ANKFN1: variants seen among roughly 807,000 people sequenced by gnomAD.
ANKFN1 encodes the protein ankyrin repeat and fibronectin type-III domain-containing protein 1.
Under a neutral mutation model 108.7 loss-of-function variants are expected in ANKFN1, and 74 were observed. The observed-to-expected ratio is 0.68, with a 90% CI of 0.56 to 0.83. The LOEUF is 0.83. Ranked by LOEUF, ANKFN1 falls within the 40% of genes least tolerant of loss-of-function variation. The probability of loss-of-function intolerance (pLI) is 0.00; values close to 1 mark genes in which losing one functional copy is unlikely to be tolerated. For missense variants in ANKFN1, 1,505 were observed against 1,382.3 expected, an observed-to-expected ratio of 1.09 and a Z score of -1.41; for synonymous variants, 547 against 516.2, an observed-to-expected ratio of 1.06 and a Z score of -0.81.
chr17:56,144,529 T>G (rs990377416), intron 4 of ANKFN1, among the ~76,000 whole-genome samples: 1 of 152,206 alleles, frequency 6.6e-6, no homozygotes. Context: ...CCGCATGCCC[T>G]CGCGGGAGTC....
intron 3 of ANKFN1, among the ~76,000 whole-genome samples, chr17:56,232,649 T>C (rs1383740776): frequency 1.3e-5 from 2 of 152,172 alleles, no homozygotes; most frequent in Non-Finnish European, 2.9e-5. Context: ...AGTGAATATC[T>C]GGATTTTAAG....
chr17:56,147,961 T>A (rs1219720902), intron 4 of ANKFN1, among the ~76,000 whole-genome samples: 1 of 152,186 alleles, frequency 6.6e-6, no homozygotes, highest in Non-Finnish European at 1.5e-5. Context: ...TTCTAAGCAT[T>A]ATTTCATTGA....
At chr17:56,380,577 C>T (rs1339174052) in intron 8 of ANKFN1, among the ~76,000 whole-genome samples, 1 of 152,218 alleles carries the variant, frequency 6.6e-6, no homozygotes, top group Non-Finnish European at 1.5e-5. Flanking sequence ...GGGTCACTTC[C>T]ACCCTAATAC....
At chr17:56,377,533 G>A (rs1274495904) in intron 8 of ANKFN1, among the ~76,000 whole-genome samples, 1 of 152,216 alleles carries the variant, frequency 6.6e-6, no homozygotes, top group Non-Finnish European at 1.5e-5. Flanking sequence ...TGGATTCAAA[G>A]GAGGCTTGCA....
chr17:56,183,288 G>A (rs1438675930), intron 1 of ANKFN1, among the ~76,000 whole-genome samples: 2 of 152,130 alleles, frequency 1.3e-5, no homozygotes, highest in Non-Finnish European at 2.9e-5. Flanking sequence ...ATTCTGGAAA[G>A]GATTCATCAT....
At chr17:56,366,369 AGCTGTCCATCTAT>A (rs2046662259) in intron 6 of ANKFN1, among the ~76,000 whole-genome samples, 1 of 152,190 alleles carries the variant, frequency 6.6e-6, no homozygotes, top group Non-Finnish European at 1.5e-5. Context: ...GCTCAAGAGA[AGCTGTCCATCTAT>A]GCTAATTTAT....
chr17:56,327,344 G>T lies in ANKFN1; in HGVS notation c.188+989G>T, dbSNP rs1256941690. On this transcript the variant is annotated intron_variant, in intron 4 of 20. Transcript: ENST00000682825. ...CATCAATCCATCTCTGGTGAACTCAGAGTCCATATAAGTGTCATATAGAGT... is the reference window on the plus strand; with the variant it reads ...CATCAATCCATCTCTGGTGAACTCATAGTCCATATAAGTGTCATATAGAGT... 2.0e-5 allele frequency among the ~76,000 whole-genome samples: 3 copies of T among 152,038 alleles called. No homozygotes were observed. In the East Asian group the frequency reaches 5.8e-4, roughly 29 times the overall value.
intron 1 of ANKFN1, among the ~76,000 whole-genome samples, chr17:56,167,992 C>T (rs1049120000): frequency 1.3e-5 from 2 of 152,066 alleles, no homozygotes; most frequent in South Asian, 2.1e-4. Flanking sequence ...AATAGGCAGG[C>T]GTGGTGGCTC....
chr17:56,289,052 T>A (rs988744313), intron 3 of ANKFN1, among the ~76,000 whole-genome samples: 1 of 152,054 alleles, frequency 6.6e-6, no homozygotes, highest in Non-Finnish European at 1.5e-5. Context: ...CCACTCAACC[T>A]CACCCAAGTG....
intron 1 of ANKFN1, among the ~76,000 whole-genome samples, chr17:56,165,712 C>A (rs1910081211): frequency 1.3e-5 from 2 of 152,064 alleles, no homozygotes; most frequent in African/African-American, 4.8e-5. Flanking sequence ...GCCTGGAATA[C>A]AGGATCCAAG....
rs1382820298 is a variant in ANKFN1, at chr17:56,513,900, C to T, written c.*2631C>T. 1.3e-5 allele frequency among the ~76,000 whole-genome samples: 2 copies of T among 152,092 alleles called. No homozygotes were observed. Among genetic ancestry groups the T allele is most frequent in the African/African-American group, 4.8e-5 (2 of 41,408 alleles). Reference sequence around the variant, plus strand: ...ATTAGCTATTATTCAGGTAGGTTTCCCCATACCTTCACTTTGCAATATTTT... The same window carrying T: ...ATTAGCTATTATTCAGGTAGGTTTCTCCATACCTTCACTTTGCAATATTTT... On this transcript the variant is annotated 3_prime_UTR_variant, in exon 21 of 21. Transcript: ENST00000682825.
chr17:56,460,869 T>C (rs1295131988), intron 14 of ANKFN1, among the ~76,000 whole-genome samples: 5 of 152,040 alleles, frequency 3.3e-5, no homozygotes, highest in Non-Finnish European at 7.4e-5. Flanking sequence ...CTTGGAAGAG[T>C]TACCTACATC....
At chr17:56,126,280 C>G (rs1169273506) in intron 4 of ANKFN1, among the ~76,000 whole-genome samples, 2 of 116,616 alleles carry the variant, frequency 1.7e-5, no homozygotes, top group African/African-American at 7.4e-5. Context: ...ATTGAACACT[C>G]AGGAAAAAAA....
At chr17:56,246,441 T>C (rs1177013939) in intron 3 of ANKFN1, among the ~76,000 whole-genome samples, 2 of 152,282 alleles carry the variant, frequency 1.3e-5, no homozygotes, top group East Asian at 3.9e-4. Flanking sequence ...ATTGACCCGC[T>C]TTTGTAACTA....
chr17:56,058,630 C>CT (rs35682195), intron 4 of ANKFN1, among the ~76,000 whole-genome samples: 1 of 151,740 alleles, frequency 6.6e-6, no homozygotes, highest in East Asian at 1.9e-4. Context: ...TGTTCCGCTC[C>CT]GTGTCCAAGT....
At chr17:56,135,392 A>G (rs1000774794) in intron 4 of ANKFN1, among the ~76,000 whole-genome samples, 2 of 152,186 alleles carry the variant, frequency 1.3e-5, no homozygotes, top group Non-Finnish European at 2.9e-5. Context: ...ATTCAAATAA[A>G]TAGCCCTAAA....
chr17:56,427,844 C>A (rs2048619492), intron 8 of ANKFN1, among the ~76,000 whole-genome samples: 1 of 152,086 alleles, frequency 6.6e-6, no homozygotes, highest in South Asian at 2.1e-4. Context: ...CTGTGTGGAT[C>A]TGAGCTAGTT....
At chr17:56,406,254 G>A (rs1316917115) in intron 8 of ANKFN1, among the ~76,000 whole-genome samples, 2 of 152,184 alleles carry the variant, frequency 1.3e-5, no homozygotes, top group African/African-American at 2.4e-5. Context: ...AGAAGGGATA[G>A]CGAGAACAAA....
chr17:56,324,973 G>A (rs762016828), intron 3 of ANKFN1, among the ~76,000 whole-genome samples: 4 of 152,136 alleles, frequency 2.6e-5, no homozygotes, highest in Non-Finnish European at 5.9e-5. Flanking sequence ...AAGGGGGAGA[G>A]TTTCATGAAT....
Sources: gnomAD v4.1 joint callset for allele counts (sites outside exome capture counted in the v4.1 genomes callset) on GRCh38, gnomAD v4.1.1 for gene constraint, MANE v1.5 for transcripts, NCBI Gene and HGNC (gene_info 2026-07-23, HGNC 2026-07-21) for gene names.